Variants in GCNT1 observed in about 807,000 individuals in gnomAD.
GCNT1 encodes glucosaminyl (N-acetyl) transferase 1.
A neutral mutation model predicts 26.2 loss-of-function variants in GCNT1; 16 were observed. That is an observed-to-expected ratio of 0.61 (90% CI 0.41 to 0.93). The LOEUF (loss-of-function observed/expected upper bound fraction) is 0.93, where lower values mean the gene tolerates loss of function less well. GCNT1 is among the 40% of genes least tolerant of loss of function. The pLI, the probability that GCNT1 is intolerant of heterozygous loss-of-function variation, is 0.00. For missense variants in GCNT1, 477 were observed against 526.7 expected (o/e 0.91, Z 0.92); for synonymous variants, 183 against 190.8 (o/e 0.96, Z 0.34).
At chr9:76,427,651 T>G (rs1487923271) in intron 1 of GCNT1, among the ~76,000 whole-genome samples, 1 of 152,186 alleles carries the variant, frequency 6.6e-6, no homozygotes, top group Non-Finnish European at 1.5e-5. Context: ...ACAGCATAGT[T>G]TATACATGTG....
chr9:76,441,922 T>A (rs1823489562), exon 1 of GCNT1: 1 of 152,152 alleles, frequency 6.6e-6, no homozygotes, highest in South Asian at 2.1e-4. Context: ...TTTAAAAACT[T>A]AATAATATGG....
upstream of GCNT1, among the ~76,000 whole-genome samples, chr9:76,455,998 G>C (rs1345053153): frequency 2.0e-5 from 3 of 152,178 alleles, no homozygotes; most frequent in African/African-American, 7.2e-5. Context: ...TGACAGCTGT[G>C]TTTATCAGAC....
intron 2 of GCNT1, among the ~76,000 whole-genome samples, chr9:76,474,965 C>T (rs1474789455): frequency 1.3e-5 from 2 of 152,158 alleles, no homozygotes; most frequent in Admixed American, 6.5e-5. Context: ...GAGACGGAGT[C>T]TCGCTCCGTT....
At chr9:76,456,733 G>A (rs916465968), upstream of GCNT1, among the ~76,000 whole-genome samples, 6 of 152,242 alleles carry the variant, frequency 3.9e-5, no homozygotes, top group African/African-American at 1.4e-4. Flanking sequence ...AGCATTATGG[G>A]AGACTGAGGT....
At chr9:76,415,543 C>A (rs924203023), upstream of GCNT1, among the ~76,000 whole-genome samples, 1 of 152,092 alleles carries the variant, frequency 6.6e-6, no homozygotes, top group African/African-American at 2.4e-5. Context: ...CATGGCCTAG[C>A]CAAAGAACCT....
At chr9:76,398,939 A>T in the GCNT1 span, 4 of 1,521,486 alleles carry the variant, frequency 2.6e-6, no homozygotes, top group Non-Finnish European at 3.6e-6. Context: ...ATCCTCCAGG[A>T]ATACTGGCCA....
rs1453007376 is a variant in GCNT1 at position 76,503,722 on chromosome 9, T to C, written c.*54T>C. On this transcript the variant is annotated 3_prime_UTR_variant, in exon 4 of 4. Coordinates refer to ENST00000376730, the MANE Select transcript of GCNT1 (RefSeq NM_001490.5). The stretch of plus-strand genomic sequence containing the variant: ...GAAGGATACACAAAACGTACCCTTA[T>C]CTGTTTCCCCTTCCTTGTCAGCATC... The C allele has an allele frequency of 7.2e-6, 10 of 1,389,006 alleles. No homozygotes were observed. In the East Asian group the frequency reaches 9.2e-5, roughly 13 times the overall value. 86.0% of individuals were successfully genotyped at this position (1,389,006 alleles called of 1,614,324 possible).
chr9:76,427,438 C>A (rs559119935), intron 1 of GCNT1, among the ~76,000 whole-genome samples: 18 of 152,090 alleles, frequency 1.2e-4, no homozygotes, highest in Admixed American at 9.2e-4. Context: ...CCTCAGCCCC[C>A]CAAAGTGCTG....
intron 2 of GCNT1, among the ~76,000 whole-genome samples, chr9:76,468,452 C>G (rs1382034251): frequency 6.6e-6 from 1 of 152,188 alleles, no homozygotes; most frequent in Non-Finnish European, 1.5e-5. Context: ...TCTCAGCCCT[C>G]TCCCTTAAGC....
chr9:76,487,390 A>T (rs1207399443), intron 2 of GCNT1, among the ~76,000 whole-genome samples: 1 of 152,206 alleles, frequency 6.6e-6, no homozygotes, highest in Non-Finnish European at 1.5e-5. Flanking sequence ...GAGTCAGTGA[A>T]ATTGATAAGT....
intron 2 of GCNT1, among the ~76,000 whole-genome samples, chr9:76,498,709 G>A (rs769141045): frequency 2.9e-4 from 43 of 150,494 alleles, no homozygotes; most frequent in Non-Finnish European, 4.3e-4. Flanking sequence ...GGAGCCAGAG[G>A]TTGCAGTGAA....
At chr9:76,427,245 G>A (rs2131574543) in intron 1 of GCNT1, among the ~76,000 whole-genome samples, 1 of 149,524 alleles carries the variant, frequency 6.7e-6, no homozygotes, top group East Asian at 2.0e-4. Flanking sequence ...TGCCCAGGCT[G>A]GAGTGTAGTG....
chr9:76,432,771 A>G (rs1040298986), intron 1 of GCNT1, among the ~76,000 whole-genome samples: 33 of 152,240 alleles, frequency 2.2e-4, no homozygotes, highest in Non-Finnish European at 4.1e-4. Context: ...CCAAGCTAAA[A>G]GTCTTGCATA....
At position 76,502,909 on chromosome 9, in the gene GCNT1, CTT is replaced by C; in HGVS notation, c.530_531del (p.Phe177CysfsTer19). 5.0e-6 allele frequency: 8 copies of C among 1,613,666 alleles called. No individual in the cohort carries two copies. The highest frequency in any genetic ancestry group is 6.8e-6 in the Non-Finnish European group (8 of 1,180,004). On this transcript the variant is annotated frameshift_variant, in exon 4 of 4. Transcript: ENST00000376730. LOFTEE classifies it high-confidence loss of function. The stretch of plus-strand genomic sequence containing the variant: ...GCATCGCTTCCTGTTTTAGTAATGT[CTT>C]TGTGGCCAGCCGATTGGAGAGTGTG... ...MGIASCFSNVFVASRLESVVY... is the reference protein window; with the variant it reads ...MGIASCFSNVXVASRLESVVY...
chr9:76,394,186 G>A, the GCNT1 span: 12 of 1,586,096 alleles, frequency 7.6e-6, no homozygotes, highest in African/African-American at 1.3e-5. Context: ...CAGTCCGCTC[G>A]GGGAATGGGC....
chr9:76,464,017 G>A (rs749626011), intron 2 of GCNT1, among the ~76,000 whole-genome samples: 6 of 150,848 alleles, frequency 4.0e-5, no homozygotes, highest in Non-Finnish European at 5.9e-5. Flanking sequence ...TCAACATAGC[G>A]AGACTCCCAT....
chr9:76,413,227 T>C, the GCNT1 span, among the ~76,000 whole-genome samples: 12 of 152,224 alleles, frequency 7.9e-5, 1 homozygote, highest in Admixed American at 7.9e-4. Flanking sequence ...AATGGCTATC[T>C]TGGTAGAAAT....
intron 1 of GCNT1, among the ~76,000 whole-genome samples, chr9:76,427,379 C>T (rs1823271943): frequency 6.6e-6 from 1 of 151,954 alleles, no homozygotes; most frequent in African/African-American, 2.4e-5. Flanking sequence ...AGCGTTTCAC[C>T]AAGTTGCCCA....
the GCNT1 span, among the ~76,000 whole-genome samples, chr9:76,407,487 A>C: frequency 6.6e-6 from 1 of 152,166 alleles, no homozygotes; most frequent in Non-Finnish European, 1.5e-5. Flanking sequence ...TTTCATCAAC[A>C]CTACTATGTC....
Sources: gnomAD v4.1 joint callset for allele counts (sites outside exome capture counted in the v4.1 genomes callset) on GRCh38, gnomAD v4.1.1 for gene constraint, MANE v1.5 for transcripts, NCBI Gene and HGNC (gene_info 2026-07-23, HGNC 2026-07-21) for gene names.